Variants in CEP72 observed in about 807,000 individuals in gnomAD.
CEP72 encodes the protein centrosomal protein of 72 kDa.
Under a neutral mutation model 65.7 loss-of-function variants are expected in CEP72, and 78 were observed. The observed-to-expected ratio is 1.19, with a 90% CI of 0.99 to 1.43. CEP72 has a LOEUF of 1.43. CEP72 is among the 40% of genes most tolerant of loss of function. CEP72 has a pLI of 0.00. For synonymous variants in CEP72, 358 were observed against 351.7 expected (o/e 1.02, Z -0.20); for missense variants, 914 against 832.9 (o/e 1.10, Z -1.20).
chr5:624,237 G>C lies in CEP72; in HGVS notation c.404-234G>C, dbSNP rs189949771. ...GTGTGTGTGTGTGAGCCTCATCTGT[G>C]TGCGGCTGCTCCCGTGCGCAGCAGT... is the stretch of plus-strand genomic sequence containing the variant. On this transcript the variant is annotated intron_variant, in intron 3 of 11. Coordinates refer to ENST00000264935, the MANE Select transcript of CEP72 (RefSeq NM_018140.4). This position sits in a 1 kb window ranked among gnomAD's most constrained non-coding sequence, Gnocchi z 4.7. Among the ~76,000 whole-genome samples the C allele has an allele frequency of 6.6e-6, 1 of 152,186 alleles. No individual in the cohort carries two copies. Among genetic ancestry groups the C allele is most frequent in the African/African-American group, 2.4e-5 (1 of 41,460 alleles).
At chr5:663,112 C>T (rs1314564246) in intron 1 of CEP72, 1 of 136,524 alleles carries the variant, frequency 7.3e-6, no homozygotes, top group East Asian at 2.0e-4. Flanking sequence ...GGTGGCCGCT[C>T]GTCTGTGATC....
At chr5:672,993 G>GC in the CEP72 span, among the ~76,000 whole-genome samples, 1 of 152,172 alleles carries the variant, frequency 6.6e-6, no homozygotes, top group African/African-American at 2.4e-5. Context: ...ATGGCAACCT[G>GC]CCCTGAAAAC....
chr5:673,485 T>C, the CEP72 span, among the ~76,000 whole-genome samples: 9 of 152,042 alleles, frequency 5.9e-5, no homozygotes, highest in African/African-American at 2.2e-4. Context: ...TCAGAATCCC[T>C]TGGCCTCCCC....
intron 7 of CEP72, 51 bp downstream of exon 7, chr5:637,869 T>TG (rs1737721880): frequency 6.9e-7 from 1 of 1,448,898 alleles, no homozygotes; most frequent in Non-Finnish European, 9.2e-7. Context: ...CTCCCTAATG[T>TG]GGGGCTGTTA....
At chr5:632,922 G>A (rs780563382) in intron 4 of CEP72, among the ~76,000 whole-genome samples, 11 of 106,800 alleles carry the variant, frequency 1.0e-4, no homozygotes, top group Admixed American at 4.5e-4. Context: ...GTCCAGTGCC[G>A]GGATTTGGAC....
chr5:635,528 C>T lies in CEP72; in HGVS notation c.848C>T (p.Ala283Val), dbSNP rs376290648. Residue 283 changes from alanine (A) to valine (V), a missense_variant, in exon 6 of 12, where the codon GCG (alanine) becomes GTG (valine). Ala to Val is a moderately conservative substitution (Grantham distance 64). Transcript: ENST00000264935. ...GGAGAGCTTCCGCCACTGTACGGAG[C>T]GGAGCCAGAGGCCTCCCGTGCCCCC... ...LCGELPPLYG[A>V]EPEASRAPRP... 1.7e-5 allele frequency: 28 copies of T among 1,613,800 alleles called. No individual in the cohort carries two copies. The highest frequency in any genetic ancestry group is 4.5e-5 in the East Asian group (2 of 44,890).
chr5:628,769 T>C (rs865971444), intron 4 of CEP72, among the ~76,000 whole-genome samples: 93 of 118,776 alleles, frequency 7.8e-4, no homozygotes, highest in South Asian at 2.1e-3. Flanking sequence ...CGGGGAGTGT[T>C]CCCACGACCC....
At chr5:652,898 A>C (rs560995545) in intron 11 of CEP72, 90 bp from the exon 12 acceptor site, 1 of 1,392,372 alleles carries the variant, frequency 7.2e-7, no homozygotes, top group Admixed American at 3.0e-5. Flanking sequence ...CTTCGTGCCC[A>C]TGCAGGGAGG....
In CEP72 at chr5:633,651, C is replaced by G. The variant is rs2242441; in HGVS notation, c.513-118C>G. On this transcript the variant is annotated intron_variant, in intron 4 of 11. Coordinates refer to ENST00000264935, the MANE Select transcript of CEP72 (RefSeq NM_018140.4). ...GAAGCAACAGGACCCGGCTGCCCCA[C>G]GTTTGCAGCACGCTGCTTCTCTCAG... The G allele has an allele frequency of 2.4e-3, 2,264 of 959,294 alleles. 49 individuals carry two copies. In the East Asian group the frequency reaches 0.053, roughly 23 times the overall value. 59.4% of individuals were successfully genotyped at this position (959,294 alleles called of 1,614,324 possible).
chr5:649,265 T>TGACTGTGAGGTGTG (rs1738730578), intron 11 of CEP72, among the ~76,000 whole-genome samples: 1 of 40,406 alleles, frequency 2.5e-5, no homozygotes, highest in African/African-American at 1.5e-4. Flanking sequence ...CTGTGAGGTG[T>TGACTGTGAGGTGTG]GACTGTGAGG....
At chr5:642,396 T>G (rs1738114906) in intron 9 of CEP72, 1 of 985,488 alleles carries the variant, frequency 1.0e-6, no homozygotes, top group Non-Finnish European at 1.2e-6. Flanking sequence ...GCCCCCCGTC[T>G]GGAAGCCTTT....
chr5:642,496 C>T (rs1010088162), intron 9 of CEP72: 12 of 985,384 alleles, frequency 1.2e-5, no homozygotes, highest in Admixed American at 1.2e-4. Flanking sequence ...TCAGGCACAC[C>T]CCTTGCCCTT....
At chr5:654,265 GTGCT>G (rs1358494866), downstream of CEP72, among the ~76,000 whole-genome samples, 1 of 148,514 alleles carries the variant, frequency 6.7e-6, no homozygotes, top group Non-Finnish European at 1.5e-5. Context: ...CTGTGTGTGT[GTGCT>G]TGTGCGCTTG....
intron 3 of CEP72, among the ~76,000 whole-genome samples, chr5:622,622 T>C (rs1487306636): frequency 6.6e-6 from 1 of 152,260 alleles, no homozygotes; most frequent in Non-Finnish European, 1.5e-5. Flanking sequence ...AGCTCTGTGC[T>C]GCAGCTCTTG....
chr5:668,136 C>T (rs1354415106), downstream of CEP72, among the ~76,000 whole-genome samples: 1 of 126,154 alleles, frequency 7.9e-6, no homozygotes, highest in Non-Finnish European at 1.6e-5. Context: ...GAGGGGTCCG[C>T]GTGGGCCCCG....
chr5:661,311 CTT>C (rs1739588749), downstream of CEP72: 5 of 61,448 alleles, frequency 8.1e-5, no homozygotes, highest in Admixed American at 3.7e-4. Flanking sequence ...CCTGTCTCCT[CTT>C]GTCACCCCCA....
chr5:641,326 C>T (rs904226021), intron 9 of CEP72: 178 of 985,294 alleles, frequency 1.8e-4, no homozygotes, highest in Non-Finnish European at 1.9e-4. Flanking sequence ...AGCCGCCCTC[C>T]GGGAGTCCTG....
Position 637,585 on chromosome 5 carries a change from C to G in CEP72, c.973C>G (p.Pro325Ala), listed in dbSNP as rs1362879607. ...TTTGTCAGGAGAAATGGTGCCTGGT[C>G]CCCTGCCAGCCCCCGGAAAGTGCAG... ...LDLSGEMVPG[P>A]LPAPGKCRKR... Residue 325 changes from proline (P) to alanine (A), a missense_variant, in exon 7 of 12, where the codon CCC becomes GCC. Transcript: ENST00000264935. 1 of 1,614,024 alleles carries G rather than the reference C, an allele frequency of 6.2e-7. No individual in the cohort carries two copies. The highest frequency in any genetic ancestry group is 1.3e-5 in the African/African-American group (1 of 75,046).
At chr5:644,786 G>T (rs903742847) in intron 10 of CEP72, among the ~76,000 whole-genome samples, 2 of 152,172 alleles carry the variant, frequency 1.3e-5, no homozygotes, top group African/African-American at 4.8e-5. Context: ...TGCTGCCATC[G>T]AATTTGGTGA....
Sources: gnomAD v4.1 joint callset for allele counts (sites outside exome capture counted in the v4.1 genomes callset) on GRCh38, gnomAD v4.1.1 for gene constraint, Gnocchi (gnomAD v3.1) non-coding constraint, MANE v1.5 for transcripts, NCBI Gene and HGNC (gene_info 2026-07-23, HGNC 2026-07-21) for gene names.